Variants in DMRT1 observed in about 807,000 individuals in gnomAD.
DMRT1 encodes the protein doublesex- and mab-3-related transcription factor 1.
DMRT1 carries 7 observed loss-of-function variants against 32.3 expected under a neutral mutation model. The ratio of observed to expected loss-of-function variants is 0.22; its 90% CI spans 0.12 to 0.41. The LOEUF (loss-of-function observed/expected upper bound fraction) is 0.41. Among genes scored for constraint, DMRT1 ranks in the 10% least tolerant of loss-of-function variants. DMRT1 has a pLI of 1.00. For synonymous variants in DMRT1, 278 were observed against 206.1 expected (o/e 1.35, Z -2.99); for missense variants, 625 against 500.5 (o/e 1.25, Z -2.37).
intron 4 of DMRT1, among the ~76,000 whole-genome samples, chr9:957,218 G>A (rs1037279894): frequency 8.5e-5 from 13 of 152,154 alleles, no homozygotes; most frequent in African/African-American, 2.9e-4. Flanking sequence ...CACCTGTCCT[G>A]AAACAATTAA....
At chr9:916,347 C>A (rs1202700459) in intron 3 of DMRT1, among the ~76,000 whole-genome samples, 1 of 151,734 alleles carries the variant, frequency 6.6e-6, no homozygotes, top group Non-Finnish European at 1.5e-5. Context: ...CCACTTCCAA[C>A]TTAGATAGGC....
intron 1 of DMRT1, 40 bp from the exon 2 acceptor site, chr9:846,920 C>T: frequency 3.1e-6 from 5 of 1,613,160 alleles, no homozygotes; most frequent in Non-Finnish European, 4.2e-6. Context: ...AAAGCTGATT[C>T]TGGAGTGCTG....
At chr9:901,568 C>G (rs796663654) in intron 3 of DMRT1, among the ~76,000 whole-genome samples, 50 of 152,250 alleles carry the variant, frequency 3.3e-4, no homozygotes, top group African/African-American at 9.6e-4. Flanking sequence ...CTCAGGTGAT[C>G]CGCCTGCCTT....
At chr9:940,498 A>T (rs1819028522) in intron 4 of DMRT1, among the ~76,000 whole-genome samples, 1 of 98,852 alleles carries the variant, frequency 1.0e-5, no homozygotes, top group Non-Finnish European at 1.9e-5. Context: ...CTATCCACAT[A>T]AAAAAAAAAT....
rs565152880 is a variant in DMRT1 at position 930,285 on chromosome 9, T to C, written c.967+13378T>C. Among the ~76,000 whole-genome samples the C allele has an allele frequency of 2.2e-4, 33 of 152,110 alleles. No homozygotes were observed. In the South Asian group the frequency reaches 2.5e-3, roughly 12 times the overall value. On this transcript the variant is annotated intron_variant, in intron 4 of 4. Coordinates refer to ENST00000382276, the MANE Select transcript of DMRT1 (RefSeq NM_021951.3). ...AGTGCAGTGGCATGATAATAGCTCA[T>C]TGTAGCCTTGAACTCCTTGGCTCAA...
intron 3 of DMRT1, among the ~76,000 whole-genome samples, chr9:901,140 C>T (rs1227170837): frequency 2.0e-5 from 3 of 152,040 alleles, no homozygotes; most frequent in Non-Finnish European, 4.4e-5. Flanking sequence ...TCAGCCCCCT[C>T]AGTAGCTGAG....
At chr9:883,525 C>T (rs1428735182) in intron 2 of DMRT1, among the ~76,000 whole-genome samples, 1 of 151,866 alleles carries the variant, frequency 6.6e-6, no homozygotes, top group Non-Finnish European at 1.5e-5. Flanking sequence ...GGTGCAGCGA[C>T]TCACACCTGT....
chr9:843,603 C>A (rs918318603), intron 1 of DMRT1, among the ~76,000 whole-genome samples: 1 of 152,130 alleles, frequency 6.6e-6, no homozygotes, highest in African/African-American at 2.4e-5. Flanking sequence ...AAGTTAATGT[C>A]TTTAGTATTC....
intron 2 of DMRT1, among the ~76,000 whole-genome samples, chr9:879,159 G>A (rs1034348736): frequency 3.9e-5 from 6 of 152,048 alleles, no homozygotes; most frequent in African/African-American, 1.4e-4. Context: ...AAAAGACAGG[G>A]GCTGTTAAGA....
chr9:948,908 A>ATAATAATAC (rs1819337052), intron 4 of DMRT1, among the ~76,000 whole-genome samples: 1 of 121,780 alleles, frequency 8.2e-6, no homozygotes, highest in African/African-American at 3.2e-5. Context: ...ATACAAAATA[A>ATAATAATAC]TAATAATAAT....
chr9:924,467 G>A (rs1025972775), intron 4 of DMRT1, among the ~76,000 whole-genome samples: 1 of 152,190 alleles, frequency 6.6e-6, no homozygotes, highest in Non-Finnish European at 1.5e-5. Flanking sequence ...AAGGAATTAT[G>A]TAAAAGTATG....
At position 841,886 on chromosome 9, in the gene DMRT1, C is replaced by A; in HGVS notation, c.48C>A (p.Ala16=). 6.2e-7 allele frequency: 1 copy of A among 1,612,138 alleles called. No homozygotes were observed. Among genetic ancestry groups the A allele is most frequent in the Non-Finnish European group, 8.5e-7 (1 of 1,179,258 alleles). ...GCAAGCCCTCTACACCGTCGGAAGC[C>A]CCTCACGCCCCCGGGGTACCGCCGC... ...AFSKPSTPSE[A]PHAPGVPPQG... The change falls in exon 1 of 5, where the codon GCC becomes GCA. Residue 16 remains alanine, a synonymous_variant. Transcript: ENST00000382276.
intron 4 of DMRT1, among the ~76,000 whole-genome samples, chr9:922,506 G>T (rs1250360899): frequency 1.3e-5 from 2 of 152,196 alleles, no homozygotes; most frequent in Non-Finnish European, 2.9e-5. Context: ...GAGGTGGGTG[G>T]CACTGCACAT....
At chr9:883,245 G>T (rs1816802156) in intron 2 of DMRT1, among the ~76,000 whole-genome samples, 1 of 151,734 alleles carries the variant, frequency 6.6e-6, no homozygotes, top group Admixed American at 6.6e-5. Flanking sequence ...AAAAGGAGCT[G>T]ACATTCCTTC....
chr9:899,627 G>C (rs1429774571), intron 3 of DMRT1, among the ~76,000 whole-genome samples: 1 of 152,208 alleles, frequency 6.6e-6, no homozygotes, highest in Non-Finnish European at 1.5e-5. Flanking sequence ...ACAATGAATG[G>C]CTGGTTCCGC....
At chr9:911,340 C>G (rs1223023106) in intron 3 of DMRT1, among the ~76,000 whole-genome samples, 3 of 152,050 alleles carry the variant, frequency 2.0e-5, no homozygotes, top group African/African-American at 7.2e-5. Context: ...GTTTCAAAGG[C>G]TTCGTTAATT....
chr9:896,235 T>G (rs77356988), intron 3 of DMRT1, among the ~76,000 whole-genome samples: 9 of 152,024 alleles, frequency 5.9e-5, no homozygotes, highest in African/African-American at 2.2e-4. Context: ...CTTGGTTCTG[T>G]TGAAGGAGTA....
At chr9:891,638 C>A (rs927878134) in intron 2 of DMRT1, among the ~76,000 whole-genome samples, 1 of 151,692 alleles carries the variant, frequency 6.6e-6, no homozygotes, top group Non-Finnish European at 1.5e-5. Context: ...CCTCAGCCTC[C>A]CAAGTAGCTG....
At chr9:876,353 T>A (rs981182193) in intron 2 of DMRT1, among the ~76,000 whole-genome samples, 3 of 152,238 alleles carry the variant, frequency 2.0e-5, no homozygotes, top group Non-Finnish European at 2.9e-5. Context: ...TCTCAGCCAC[T>A]GCCTTACCTG....
Sources: gnomAD v4.1 joint callset for allele counts (sites outside exome capture counted in the v4.1 genomes callset) on GRCh38, gnomAD v4.1.1 for gene constraint, MANE v1.5 for transcripts, NCBI Gene and HGNC (gene_info 2026-07-23, HGNC 2026-07-21) for gene names.